Variants in SV2B observed in about 807,000 individuals in gnomAD.
SV2B encodes the protein solute carrier family 22 member B2.
In SV2B, 41 loss-of-function variants were observed where a neutral mutation model predicts 73.9. That is an observed-to-expected ratio of 0.56 (90% confidence interval 0.43 to 0.72). The LOEUF is 0.72. Among genes scored for constraint, SV2B ranks in the 30% least tolerant of loss-of-function variants. SV2B has a pLI of 0.00. For synonymous variants in SV2B, 314 were observed against 314.2 expected, an observed-to-expected ratio of 1.00 and a Z score of 0.01; for missense variants, 764 against 857.8, an observed-to-expected ratio of 0.89 and a Z score of 1.37.
Position 91,223,185 on chromosome 15 carries a change from G to A in SV2B, c.-391-2688G>A, listed in dbSNP as rs534034148. On this transcript the variant is annotated intron_variant, in intron 1 of 12. Transcript: ENST00000394232. The surrounding 1 kb of genome is among the most constrained non-coding windows in gnomAD (Gnocchi z 4.6). ...AGTCATATTGGATTAGGAGCCATCC[G>A]AATGATCTCATCTTAACTTGATTAC... 8.1e-4 allele frequency among the ~76,000 whole-genome samples: 124 copies of A among 152,298 alleles called. 1 individual carries two copies. The highest frequency in any genetic ancestry group is 2.8e-3 in the African/African-American group (117 of 41,556).
At chr15:91,216,691 G>C (rs1020168693) in intron 1 of SV2B, among the ~76,000 whole-genome samples, 2 of 151,314 alleles carry the variant, frequency 1.3e-5, no homozygotes, top group African/African-American at 4.9e-5. Flanking sequence ...GGCTGGTCTC[G>C]AACTTCCAAC....
At chr15:91,186,905 A>AT (rs1208541416) in intron 1 of SV2B, among the ~76,000 whole-genome samples, 10 of 152,244 alleles carry the variant, frequency 6.6e-5, no homozygotes, top group African/African-American at 2.4e-4. Flanking sequence ...GAATGCTTAC[A>AT]TTTTTCTTAA....
At chr15:91,166,588 A>T (rs897595753) in intron 1 of SV2B, among the ~76,000 whole-genome samples, 1 of 151,922 alleles carries the variant, frequency 6.6e-6, no homozygotes, top group African/African-American at 2.4e-5. Context: ...GATAGCATGA[A>T]TTTTAGAACT....
intron 9 of SV2B, among the ~76,000 whole-genome samples, chr15:91,271,805 C>A (rs1457498437): frequency 6.6e-6 from 1 of 152,102 alleles, no homozygotes; most frequent in Non-Finnish European, 1.5e-5. Flanking sequence ...AAACCCCAAC[C>A]CTCTTCTGAG....
Position 91,289,781 on chromosome 15 carries a change from C to G in SV2B, c.1868+101C>G. 1 of 1,293,228 alleles carries G rather than the reference C, an allele frequency of 7.7e-7. No homozygotes were observed. The highest frequency in any genetic ancestry group is 1.1e-6 in the Non-Finnish European group (1 of 946,132). 80.1% of individuals were successfully genotyped at this position (1,293,228 alleles called of 1,614,324 possible). A position where few individuals can be genotyped will look rare whatever the true frequency, so the allele number is the denominator to read the frequency against. ...TCATGCTGTGCATGGCCATCGTGGT[C>G]TTTCTGCTGTTCCGTGAAACAAACA... On this transcript the variant is annotated intron_variant, in intron 12 of 12. Transcript: ENST00000394232. This position sits in a 1 kb window ranked among gnomAD's most constrained non-coding sequence, Gnocchi z 4.9.
rs2042233148 is a variant in SV2B, at chr15:91,118,250, G to A, written c.-392+17887G>A. Among the ~76,000 whole-genome samples the A allele has an allele frequency of 6.6e-6, 1 of 152,142 alleles. No homozygotes were observed. Among genetic ancestry groups the A allele is most frequent in the Admixed American group, 6.5e-5 (1 of 15,274 alleles). The stretch of plus-strand genomic sequence containing the variant: ...GTGTTTGCTGATCCATGGTTCTGGT[G>A]GAATGGAGTCTACTATTCAGGAGAG... On this transcript the variant is annotated intron_variant, in intron 1 of 12. Transcript: ENST00000394232. This position sits in a 1 kb window ranked among gnomAD's most constrained non-coding sequence, Gnocchi z 4.7.
chr15:91,148,773 A>C (rs2043222202), intron 1 of SV2B, among the ~76,000 whole-genome samples: 1 of 152,210 alleles, frequency 6.6e-6, no homozygotes, highest in South Asian at 2.1e-4. Context: ...GTCTGAGTCC[A>C]CATCTGAAGG....
At position 91,124,154 on chromosome 15, in the gene SV2B, C is replaced by T. The variant is rs2042412306; in HGVS notation, c.-392+23791C>T. On this transcript the variant is annotated intron_variant, in intron 1 of 12. Coordinates refer to ENST00000394232, the MANE Select transcript of SV2B (RefSeq NM_001323032.3). The surrounding 1 kb of genome is among the most constrained non-coding windows in gnomAD (Gnocchi z 4.6). ...TGGTACTGGTTTGCCATTCTTTTCT[C>T]ACCACATTCATTAAATTATCAAAAT... Among the ~76,000 whole-genome samples, 1 of 152,226 alleles carries T rather than the reference C, an allele frequency of 6.6e-6. No homozygotes were observed. Among genetic ancestry groups the T allele is most frequent in the African/African-American group, 2.4e-5 (1 of 41,456 alleles).
rs1343595361 is a variant in SV2B at position 91,226,352 on chromosome 15, A to T, written c.89A>T (p.Asp30Val). The T allele has an allele frequency of 6.2e-7, 1 of 1,614,030 alleles. No individual in the cohort carries two copies. Among genetic ancestry groups the T allele is most frequent in the Non-Finnish European group, 8.5e-7 (1 of 1,180,038 alleles). ...YRGNESNPEE[D>V]AQSDVTEGHD... ...GGCAATGAGTCCAACCCAGAAGAAGATGCACAGAGTGATGTCACCGAAGGC... is the reference window on the plus strand; with the variant it reads ...GGCAATGAGTCCAACCCAGAAGAAGTTGCACAGAGTGATGTCACCGAAGGC... The change falls in exon 2 of 13, where the codon GAT becomes GTT. Residue 30 changes from aspartate to valine, a missense_variant. By Grantham distance (152) the Asp-to-Val change is radical. Coordinates refer to ENST00000394232, the MANE Select transcript of SV2B (RefSeq NM_001323032.3).
Position 91,197,453 on chromosome 15 carries a change from A to G in SV2B, c.-391-28420A>G, listed in dbSNP as rs1387339145. On this transcript the variant is annotated intron_variant, in intron 1 of 12. Transcript: ENST00000394232. This position sits in a 1 kb window ranked among gnomAD's most constrained non-coding sequence, Gnocchi z 4.9. ...TGGTCAGGCTGGTCTCAAACTCCCG[A>G]CTTCAGGTCATCCACCTGCCTCGGC... Among the ~76,000 whole-genome samples the G allele has an allele frequency of 6.6e-6, 1 of 151,314 alleles. No homozygotes were observed. Among genetic ancestry groups the G allele is most frequent in the East Asian group, 2.0e-4 (1 of 5,072 alleles).
rs1048743638 is a variant in SV2B at position 91,294,436 on chromosome 15, A to G, written c.*1884A>G. On this transcript the variant is annotated 3_prime_UTR_variant, in exon 13 of 13. Coordinates refer to ENST00000394232, the MANE Select transcript of SV2B (RefSeq NM_001323032.3). The surrounding 1 kb of genome is among the most constrained non-coding windows in gnomAD (Gnocchi z 4.1). ...GAGAAGACATATTGACTCTGACTGG[A>G]CACCCTGATTCCTCCAAATATATAT... 2 of 152,096 alleles carry G rather than the reference A, an allele frequency of 1.3e-5. No homozygotes were observed. The highest frequency in any genetic ancestry group is 4.8e-5 in the African/African-American group (2 of 41,412). 9.4% of individuals were successfully genotyped at this position (152,096 alleles called of 1,614,324 possible).
rs1224903786 is a variant in SV2B at position 91,214,260 on chromosome 15, C to G, written c.-391-11613C>G. On this transcript the variant is annotated intron_variant, in intron 1 of 12. Transcript: ENST00000394232. The surrounding 1 kb of genome is among the most constrained non-coding windows in gnomAD (Gnocchi z 4.7). ...TGGAAGTGCTAAAAAACCAGAGGGT[C>G]TCACCCAAGAAGGCCTCAGATTTGC... is the stretch of plus-strand genomic sequence containing the variant. Among the ~76,000 whole-genome samples, 3 of 152,116 alleles carry G rather than the reference C, an allele frequency of 2.0e-5. No homozygotes were observed. The highest frequency in any genetic ancestry group is 2.0e-4 in the Admixed American group (3 of 15,262).
rs981926624 is a variant in SV2B, at chr15:91,298,920, G to A, written c.*6368G>A. 2 of 152,148 alleles carry A rather than the reference G, an allele frequency of 1.3e-5. No individual in the cohort carries two copies. The highest frequency in any genetic ancestry group is 4.8e-5 in the African/African-American group (2 of 41,420). 9.4% of individuals were successfully genotyped at this position (152,148 alleles called of 1,614,324 possible). On this transcript the variant is annotated 3_prime_UTR_variant, in exon 13 of 13. Transcript: ENST00000394232. The surrounding 1 kb of genome is among the most constrained non-coding windows in gnomAD (Gnocchi z 5.4). ...TTCTTACCTACCATATATAATCTCA[G>A]TAATTCAGATTTCTCTAAATCAGCA... is the stretch of plus-strand genomic sequence containing the variant.
rs200764882 is a variant in SV2B at position 91,290,879 on chromosome 15, T to C, written c.1868+1199T>C. ...ATATTAGACAATTAGCCAGGCATAG[T>C]GGCATGTGCCTGTAGTCCTAGCTGC... On this transcript the variant is annotated intron_variant, in intron 12 of 12. Transcript: ENST00000394232. This position sits in a 1 kb window ranked among gnomAD's most constrained non-coding sequence, Gnocchi z 4.7. Among the ~76,000 whole-genome samples the C allele has an allele frequency of 1.3e-5, 2 of 152,056 alleles. No homozygotes were observed. The highest frequency in any genetic ancestry group is 3.9e-4 in the East Asian group (2 of 5,194).
chr15:91,179,400 C>T (rs2044458736), intron 1 of SV2B, among the ~76,000 whole-genome samples: 1 of 152,122 alleles, frequency 6.6e-6, no homozygotes, highest in South Asian at 2.1e-4. Flanking sequence ...CTGTAGATGT[C>T]TATTAGGTCC....
chr15:91,171,301 A>T (rs1464052004), intron 1 of SV2B, among the ~76,000 whole-genome samples: 1 of 152,208 alleles, frequency 6.6e-6, no homozygotes, highest in East Asian at 1.9e-4. Context: ...TACTTACCTA[A>T]TGGAGTTAAG....
intron 1 of SV2B, among the ~76,000 whole-genome samples, chr15:91,215,271 G>C (rs942381638): frequency 2.0e-5 from 3 of 152,148 alleles, no homozygotes; most frequent in African/African-American, 7.2e-5. Context: ...GTTTCCTGGG[G>C]TAAGAACTTA....
At chr15:91,230,977 C>CA (rs2046551922) in intron 2 of SV2B, among the ~76,000 whole-genome samples, 1 of 152,090 alleles carries the variant, frequency 6.6e-6, no homozygotes, top group Non-Finnish European at 1.5e-5. Flanking sequence ...TTTGTTTTTG[C>CA]AATTGCTCTA....
In SV2B at chr15:91,252,269, C is replaced by G; in HGVS notation, c.633-100C>G. The G allele has an allele frequency of 6.8e-7, 1 of 1,464,422 alleles. No homozygotes were observed. The highest frequency in any genetic ancestry group is 9.2e-7 in the Non-Finnish European group (1 of 1,088,612). The allele number at this position is 1,464,422 out of a possible 1,614,324, so 90.7% of individuals were successfully genotyped here. ...GTCTCTCAAATTCACTGGGTCCTTTCACCACAGAGCCTAAGGTGGGGTATA... is the reference window on the plus strand; with the variant it reads ...GTCTCTCAAATTCACTGGGTCCTTTGACCACAGAGCCTAAGGTGGGGTATA... On this transcript the variant is annotated intron_variant, in intron 3 of 12. Transcript: ENST00000394232. This position sits in a 1 kb window ranked among gnomAD's most constrained non-coding sequence, Gnocchi z 4.6.
Sources: gnomAD v4.1 joint callset for allele counts (sites outside exome capture counted in the v4.1 genomes callset) on GRCh38, gnomAD v4.1.1 for gene constraint, Gnocchi (gnomAD v3.1) non-coding constraint, MANE v1.5 for transcripts, NCBI Gene and HGNC (gene_info 2026-07-23, HGNC 2026-07-21) for gene names.